RENBP: variants seen among roughly 807,000 people sequenced by gnomAD.
RENBP encodes the protein renin binding protein.
In RENBP, 16 loss-of-function variants were observed where a neutral mutation model predicts 37.8. The observed-to-expected ratio is 0.42, with a 90% confidence interval of 0.29 to 0.64. The LOEUF (loss-of-function observed/expected upper bound fraction) is 0.64. Among genes scored for constraint, RENBP ranks in the 30% least tolerant of loss-of-function variants. The pLI is 0.19. For synonymous variants in RENBP, 170 were observed against 154.8 expected (o/e 1.10, Z -0.73); for missense variants, 347 against 379.5 (o/e 0.91, Z 0.71).
chrX:153,939,765 CCT>C (rs1789500679), intron 9 of RENBP, among the ~76,000 whole-genome samples: 1 of 109,979 alleles, frequency 9.1e-6, no homozygotes, highest in Admixed American at 9.7e-5. Flanking sequence ...CAGACACACC[CCT>C]GATTGACTCG....
chrX:153,941,649 G>A lies in RENBP; in HGVS notation c.774C>T (p.His258=). ...GCLGRQQNPG[H]TLEAGWFLLR... ...GCAGAAACCAGCCGGCTTCCAGCGT[G>A]TGGCCTGGTGAGGGGTGGAGTACGG... The change falls in exon 8 of 11, where the codon CAC becomes CAT. Residue 258 remains histidine (H), a synonymous_variant. Coordinates refer to ENST00000393700, the MANE Select transcript of RENBP (RefSeq NM_002910.6). The A allele has an allele frequency of 9.4e-7, 1 of 1,060,327 alleles. No homozygotes were observed. Among genetic ancestry groups the A allele is most frequent in the Non-Finnish European group, 1.2e-6 (1 of 802,635 alleles). The allele number at this position is 1,060,327 out of a possible 1,213,427, so 87.4% of individuals were successfully genotyped here.
At chrX:153,936,040 G>A (rs5987187) in intron 9 of RENBP, 4,071 of 191,230 alleles carry the variant, frequency 0.021, 150 homozygotes, top group African/African-American at 0.11. Flanking sequence ...GGCTGAGGCG[G>A]GAGAATAGCT....
chrX:153,935,433 G>A, intron 10 of RENBP, 29 bp from the exon 11 acceptor site: 1 of 1,149,020 alleles, frequency 8.7e-7, no homozygotes, highest in Non-Finnish European at 1.2e-6. Context: ...AGGTAGTGAG[G>A]GCCGGGGGCA....
In RENBP at chrX:153,943,799, C is replaced by CG. The variant is rs1401685178; in HGVS notation, c.290-82dup. Reference sequence around the variant, plus strand: ...CACCCTTGAGCCTCCCCAAGTCCTTCGCTGCTTCTAGATCCCTCTAGGAAC... The same window carrying CG: ...CACCCTTGAGCCTCCCCAAGTCCTTCGGCTGCTTCTAGATCCCTCTAGGAAC... On this transcript the variant is annotated intron_variant, in intron 4 of 10. Coordinates refer to ENST00000393700, the MANE Select transcript of RENBP (RefSeq NM_002910.6). The CG allele has an allele frequency of 3.4e-6, 4 of 1,176,228 alleles. No individual in the cohort carries two copies. The African/African-American group carries it at 7.1e-5, about 21-fold the overall frequency.
At position 153,935,423 on chromosome X, in the gene RENBP, A is replaced by T; in HGVS notation, c.1166-19T>A. The stretch of plus-strand genomic sequence containing the variant: ...AAGCAGCCTGCGGGTAGAGGCGGGC[A>T]GGTAGTGAGGGCCGGGGGCAGCCGA... On this transcript the variant is annotated intron_variant, in intron 10 of 10. Coordinates refer to ENST00000393700, the MANE Select transcript of RENBP (RefSeq NM_002910.6). The T allele has an allele frequency of 8.8e-7, 1 of 1,134,970 alleles. No individual in the cohort carries two copies. Among genetic ancestry groups the T allele is most frequent in the Non-Finnish European group, 1.2e-6 (1 of 838,694 alleles). 93.5% of individuals were successfully genotyped at this position (1,134,970 alleles called of 1,213,427 possible).
Position 153,935,418 on chromosome X carries a change from CG to C in RENBP, c.1166-15del, listed in dbSNP as rs781829210. 1.6e-5 allele frequency: 18 copies of C among 1,145,819 alleles called. 1 individual carries two copies. Among genetic ancestry groups the C allele is most frequent in the Non-Finnish European group, 2.1e-5 (18 of 850,197 alleles). The allele number at this position is 1,145,819 out of a possible 1,213,427, so 94.4% of individuals were successfully genotyped here. On this transcript the variant is annotated splice_polypyrimidine_tract_variant and intron_variant, in intron 10 of 10. Transcript: ENST00000393700. ...CGTGGAAGCAGCCTGCGGGTAGAGG[CG>C]GGCAGGTAGTGAGGGCCGGGGGCAG...
At chrX:153,942,268 C>A in intron 6 of RENBP, 1 of 219,449 alleles carries the variant, frequency 4.6e-6, no homozygotes, top group Non-Finnish European at 7.1e-6. Context: ...CAGAGTCTTG[C>A]TCTGTCACCC....
chrX:153,943,918 T>C lies in RENBP; in HGVS notation c.266A>G (p.Gln89Arg). ...YRTFERFRHA[Q>R]LLDAAKAGGE... ...ACCTGCTTTTGCTGCGTCCAGAAGC[T>C]GAGCATGGCGGAAGCGCTCGAAAGT... The change falls in exon 4 of 11, where the codon CAG (glutamine) becomes CGG (arginine). Residue 89 changes from glutamine to arginine, a missense_variant. Gln to Arg is a conservative substitution (Grantham distance 43). This residue lies in a region of RENBP where 244 missense variants were observed against 279.4 expected (regional missense o/e 0.87). Transcript: ENST00000393700. The C allele has an allele frequency of 8.4e-7, 1 of 1,183,459 alleles. No individual in the cohort carries two copies. Among genetic ancestry groups the C allele is most frequent in the Non-Finnish European group, 1.1e-6 (1 of 880,947 alleles).
intron 1 of RENBP, 24 bp downstream of exon 1, chrX:153,944,560 C>G (rs782083903): frequency 1.7e-6 from 2 of 1,166,321 alleles, no homozygotes; most frequent in Non-Finnish European, 1.1e-6. Context: ...AGACAGCACT[C>G]CCCCCAAGCA....
At chrX:153,943,444 A>T (rs1246126758) in intron 5 of RENBP, 102 bp downstream of exon 5, 2 of 859,523 alleles carry the variant, frequency 2.3e-6, no homozygotes, top group Non-Finnish European at 3.3e-6. Flanking sequence ...TGGCCCACAG[A>T]TGGGTCCATG....
Position 153,936,883 on chromosome X carries a change from ATTC to A in RENBP, c.1078-1310_1078-1308del, listed in dbSNP as rs782709399. Among the ~76,000 whole-genome samples the A allele has an allele frequency of 2.0e-4, 23 of 112,226 alleles. No individual in the cohort carries two copies. The East Asian group carries it at 3.6e-3, about 18-fold the overall frequency. On this transcript the variant is annotated intron_variant, in intron 9 of 10. Coordinates refer to ENST00000393700, the MANE Select transcript of RENBP (RefSeq NM_002910.6). ...AATGGTGGCCCATAAGAGTTGGTGT[ATTC>A]TTCTTTGTAGGAAGTAAAACTAGTC...
intron 9 of RENBP, chrX:153,937,033 C>CA (rs1236117294): frequency 7.5e-4 from 79 of 105,407 alleles, no homozygotes; most frequent in African/African-American, 2.1e-3. Flanking sequence ...CCCATCTATA[C>CA]AAAAAAAAAA....
intron 9 of RENBP, 97 bp downstream of exon 9, chrX:153,940,005 A>G (rs1309046070): frequency 4.8e-6 from 5 of 1,035,515 alleles, no homozygotes; most frequent in Non-Finnish European, 5.3e-6. Context: ...AGACCAGCTG[A>G]GCGACTGTGC....
Position 153,935,280 on chromosome X carries a change from C to G in RENBP, c.*6G>C. 5.1e-6 allele frequency: 4 copies of G among 784,419 alleles called. No homozygotes were observed. Among genetic ancestry groups the G allele is most frequent in the Non-Finnish European group, 6.8e-6 (4 of 590,280 alleles). The allele number at this position is 784,419 out of a possible 1,213,427, so 64.6% of individuals were successfully genotyped here. A position where few individuals can be genotyped will look rare whatever the true frequency, so the allele number is the denominator to read the frequency against. On this transcript the variant is annotated 3_prime_UTR_variant, in exon 11 of 11. Coordinates refer to ENST00000393700, the MANE Select transcript of RENBP (RefSeq NM_002910.6). Reference sequence around the variant, plus strand: ...CGCACAGCCGCAGGTGGAGCGGACTCAGCCTTTATTCCGCGCCTCGGCAGG... The same window carrying G: ...CGCACAGCCGCAGGTGGAGCGGACTGAGCCTTTATTCCGCGCCTCGGCAGG...
At chrX:153,942,149 G>C (rs2065229734) in intron 6 of RENBP, 118 bp from the exon 7 acceptor site, 1 of 542,184 alleles carries the variant, frequency 1.8e-6, no homozygotes. Flanking sequence ...CAAGCCCCTG[G>C]ACCTGCTGGC....
At chrX:153,941,442 A>G in intron 8 of RENBP, 36 bp downstream of exon 8, 1 of 1,200,669 alleles carries the variant, frequency 8.3e-7, no homozygotes, top group Non-Finnish European at 1.1e-6. Flanking sequence ...GCCTTAGAAC[A>G]GCGTGGGTCA....
rs782239334 is a variant in RENBP, at chrX:153,943,090, A to G, written c.463-11T>C. On this transcript the variant is annotated splice_polypyrimidine_tract_variant and intron_variant, in intron 5 of 10. Coordinates refer to ENST00000393700, the MANE Select transcript of RENBP (RefSeq NM_002910.6). Reference sequence around the variant, plus strand: ...CTCCACCGCTTCCGTCTGGGGGTGCAGGAGGCAAGGGGAGGCCCAGGCTGA... The same window carrying G: ...CTCCACCGCTTCCGTCTGGGGGTGCGGGAGGCAAGGGGAGGCCCAGGCTGA... 1 of 1,117,854 alleles carries G rather than the reference A, an allele frequency of 8.9e-7. No homozygotes were observed. Among genetic ancestry groups the G allele is most frequent in the Admixed American group, 2.5e-5 (1 of 39,409 alleles). 92.1% of individuals were successfully genotyped at this position (1,117,854 alleles called of 1,213,427 possible).
At chrX:153,943,800 G>C in intron 4 of RENBP, 82 bp from the exon 5 acceptor site, 1 of 1,174,081 alleles carries the variant, frequency 8.5e-7, no homozygotes, top group Non-Finnish European at 1.2e-6. Context: ...CAAGTCCTTC[G>C]CTGCTTCTAG....
chrX:153,943,500 C>T (rs2065236376), intron 5 of RENBP, 46 bp downstream of exon 5: 1 of 1,148,231 alleles, frequency 8.7e-7, no homozygotes, highest in Admixed American at 2.3e-5. Context: ...GTGGCCATGG[C>T]AGGGTCGCAG....
Sources: gnomAD v4.1 joint callset for allele counts (sites outside exome capture counted in the v4.1 genomes callset) on GRCh38, gnomAD v4.1.1 for gene constraint, gnomAD v4.1.1 regional missense constraint, MANE v1.5 for transcripts, NCBI Gene and HGNC (gene_info 2026-07-23, HGNC 2026-07-21) for gene names.